RAB38: variants seen among roughly 807,000 people sequenced by gnomAD.
RAB38 encodes ras-related protein Rab-38.
A neutral mutation model predicts 18.4 loss-of-function variants in RAB38; 15 were observed. The observed-to-expected ratio is 0.82, with a 90% CI of 0.55 to 1.26. The LOEUF is 1.26. RAB38 is among the 50% of genes most tolerant of loss of function. RAB38 has a pLI of 0.00. For synonymous variants in RAB38, 101 were observed against 104.4 expected, an observed-to-expected ratio of 0.97 and a Z score of 0.20; for missense variants, 294 against 267.4, an observed-to-expected ratio of 1.10 and a Z score of -0.69.
chr11:88,119,387 T>A (rs982863150), intron 2 of RAB38, among the ~76,000 whole-genome samples: 30 of 152,200 alleles, frequency 2.0e-4, no homozygotes, highest in African/African-American at 7.0e-4. Flanking sequence ...CATAATTTTT[T>A]AAAAAGATTC....
At chr11:87,841,103 T>A in the RAB38 span, among the ~76,000 whole-genome samples, 1 of 150,186 alleles carries the variant, frequency 6.7e-6, no homozygotes, top group East Asian at 1.9e-4. Flanking sequence ...CTAAATGAGT[T>A]AATATTAAGT....
chr11:88,061,455 A>G, the RAB38 span, among the ~76,000 whole-genome samples: 1 of 152,242 alleles, frequency 6.6e-6, no homozygotes, highest in South Asian at 2.1e-4. Flanking sequence ...GTCTAGAGCC[A>G]TTAGACTGTT....
the RAB38 span, among the ~76,000 whole-genome samples, chr11:87,832,759 G>A: frequency 6.7e-6 from 1 of 148,846 alleles, no homozygotes; most frequent in African/African-American, 2.5e-5. Flanking sequence ...TGACTAGATT[G>A]GATCCACCTA....
At chr11:87,971,299 A>G in the RAB38 span, among the ~76,000 whole-genome samples, 1 of 152,094 alleles carries the variant, frequency 6.6e-6, no homozygotes, top group Non-Finnish European at 1.5e-5. Context: ...TGAAGTGTTG[A>G]TGTAGCTGTA....
the RAB38 span, among the ~76,000 whole-genome samples, chr11:88,091,665 T>A: frequency 6.6e-6 from 1 of 151,986 alleles, no homozygotes; most frequent in Non-Finnish European, 1.5e-5. Flanking sequence ...GCCTTTCATA[T>A]GCTATCTTCA....
At chr11:88,038,316 G>A in the RAB38 span, among the ~76,000 whole-genome samples, 2 of 152,136 alleles carry the variant, frequency 1.3e-5, no homozygotes, top group Non-Finnish European at 2.9e-5. Flanking sequence ...CAGAACCCAA[G>A]CTCAGAGCAA....
chr11:88,004,409 T>C, the RAB38 span, among the ~76,000 whole-genome samples: 3 of 151,260 alleles, frequency 2.0e-5, no homozygotes, highest in East Asian at 3.9e-4. Flanking sequence ...AAAAAAAGCA[T>C]TTTAGAAATT....
chr11:87,885,810 A>T, the RAB38 span, among the ~76,000 whole-genome samples: 1 of 152,022 alleles, frequency 6.6e-6, no homozygotes. Context: ...TTTTTAAAAA[A>T]TGAGGTACCA....
the RAB38 span, among the ~76,000 whole-genome samples, chr11:88,102,417 C>G: frequency 6.6e-6 from 1 of 152,110 alleles, no homozygotes; most frequent in East Asian, 1.9e-4. Flanking sequence ...TTCATGTCGA[C>G]ATTCCAAAGG....
chr11:88,034,930 A>T, the RAB38 span, among the ~76,000 whole-genome samples: 1 of 152,218 alleles, frequency 6.6e-6, no homozygotes, highest in Non-Finnish European at 1.5e-5. Flanking sequence ...AATAGTTTCA[A>T]AGTGGTTGCA....
the RAB38 span, among the ~76,000 whole-genome samples, chr11:87,918,423 C>A: frequency 1.5e-4 from 23 of 152,220 alleles, no homozygotes; most frequent in East Asian, 3.5e-3. Context: ...ATTACTGGAT[C>A]ATATAGTAGT....
At chr11:88,084,055 T>C in the RAB38 span, among the ~76,000 whole-genome samples, 1 of 151,906 alleles carries the variant, frequency 6.6e-6, no homozygotes, top group Non-Finnish European at 1.5e-5. Flanking sequence ...TGAATAAGAA[T>C]ATTAAATGAA....
chr11:87,945,508 A>G, the RAB38 span, among the ~76,000 whole-genome samples: 1 of 152,170 alleles, frequency 6.6e-6, no homozygotes, highest in South Asian at 2.1e-4. Flanking sequence ...AAACAGAGTA[A>G]AAGAGAATAG....
At chr11:87,820,124 G>A in the RAB38 span, among the ~76,000 whole-genome samples, 1 of 152,158 alleles carries the variant, frequency 6.6e-6, no homozygotes, top group Non-Finnish European at 1.5e-5. Context: ...GAAACTCAAA[G>A]AACTAATTGC....
At chr11:88,013,151 A>G in the RAB38 span, among the ~76,000 whole-genome samples, 1 of 152,314 alleles carries the variant, frequency 6.6e-6, no homozygotes, top group East Asian at 1.9e-4. Flanking sequence ...AACTTTCACT[A>G]AATACCAAAA....
the RAB38 span, chr11:87,815,822 T>C: frequency 2.0e-5 from 3 of 152,384 alleles, no homozygotes; most frequent in South Asian, 4.1e-4. Context: ...GTGTTTCAGG[T>C]TTCTAGGAAT....
chr11:88,099,397 C>T, the RAB38 span, among the ~76,000 whole-genome samples: 1 of 151,722 alleles, frequency 6.6e-6, no homozygotes, highest in Admixed American at 6.6e-5. Context: ...ATCACCTCTT[C>T]TTAAGTCTCA....
the RAB38 span, among the ~76,000 whole-genome samples, chr11:87,868,723 C>T: frequency 1.3e-5 from 2 of 151,576 alleles, no homozygotes; most frequent in African/African-American, 4.8e-5. Context: ...TGAATAGATC[C>T]AACTGAGGAA....
chr11:87,960,575 A>T, the RAB38 span, among the ~76,000 whole-genome samples: 1 of 152,120 alleles, frequency 6.6e-6, no homozygotes, highest in South Asian at 2.1e-4. Context: ...GGTAATTTAA[A>T]CAATGCTTTT....
Sources: allele counts gnomAD v4.1 joint callset (sites outside exome capture counted in the v4.1 genomes callset), GRCh38; gene constraint gnomAD v4.1.1; transcripts MANE v1.5; gene names NCBI Gene and HGNC (gene_info 2026-07-23, HGNC 2026-07-21).